The following CDIN1 variants were observed in gnomAD, a reference collection of about 807,000 sequenced individuals.
The protein encoded by CDIN1 is CDAN1-interacting nuclease 1.
CDIN1 carries 33 observed loss-of-function variants against 45.3 expected under a neutral mutation model. The observed-to-expected ratio is 0.73, with a 90% CI of 0.55 to 0.97. The LOEUF is 0.97. Among genes scored for constraint, CDIN1 ranks in the 50% least tolerant of loss-of-function variants. The probability of loss-of-function intolerance (pLI) is 0.00; values close to 1 mark genes in which losing one functional copy is unlikely to be tolerated. For missense variants in CDIN1, 303 were observed against 339.4 expected, an observed-to-expected ratio of 0.89 and a Z score of 0.84; for synonymous variants, 118 against 124.4, an observed-to-expected ratio of 0.95 and a Z score of 0.34.
chr15:36,711,346 C>G (rs1595505114), intron 10 of CDIN1, among the ~76,000 whole-genome samples: 3 of 152,238 alleles, frequency 2.0e-5, no homozygotes, highest in South Asian at 2.1e-4. Flanking sequence ...GGAAAAATTA[C>G]AAACCAAATC....
chr15:36,766,321 G>T (rs907061566), intron 10 of CDIN1, among the ~76,000 whole-genome samples: 2 of 152,036 alleles, frequency 1.3e-5, no homozygotes, highest in Non-Finnish European at 2.9e-5. Context: ...AGACCTTTAG[G>T]TTGTTTCCAT....
intron 9 of CDIN1, 92 bp from the exon 10 acceptor site, chr15:36,709,764 A>G (rs2042989915): frequency 3.3e-6 from 3 of 912,770 alleles, no homozygotes; most frequent in Non-Finnish European, 5.4e-6. Context: ...GCCTGTGCTC[A>G]TTAATGTGAA....
At chr15:36,788,106 A>ATTTTTT (rs1172040193) in intron 10 of CDIN1, among the ~76,000 whole-genome samples, 3 of 50,528 alleles carry the variant, frequency 5.9e-5, no homozygotes, top group African/African-American at 2.3e-4. Flanking sequence ...ATATATATAT[A>ATTTTTT]TTTTTTTTTT....
intron 10 of CDIN1, among the ~76,000 whole-genome samples, chr15:36,757,514 A>G (rs534233665): frequency 6.6e-6 from 1 of 152,274 alleles, no homozygotes; most frequent in South Asian, 2.1e-4. Flanking sequence ...TCAAAATATA[A>G]ATGGGAAATT....
rs200738602 is a variant in CDIN1 at position 36,743,969 on chromosome 15, AT to A, written c.716+34014del. 4.4e-3 allele frequency among the ~76,000 whole-genome samples: 543 copies of A among 122,626 alleles called. 3 individuals carry two copies. The highest frequency in any genetic ancestry group is 0.016 in the African/African-American group (508 of 30,932). The allele number at this position is 122,626 out of a possible 152,430, so 80.4% of individuals were successfully genotyped here. On this transcript the variant is annotated intron_variant, in intron 10 of 10. Coordinates refer to ENST00000566621, the MANE Select transcript of CDIN1 (RefSeq NM_001321759.2). ...ACATTTTATTCTTCATTCTAAAGAC[AT>A]TTTTTGTCTTTTTTTTTTTTTTTCT...
At chr15:36,662,854 GTTTT>G (rs34007525) in intron 5 of CDIN1, among the ~76,000 whole-genome samples, 1 of 122,944 alleles carries the variant, frequency 8.1e-6, no homozygotes, top group African/African-American at 3.1e-5. Context: ...TCAGATTTTA[GTTTT>G]TTTTTTTTTT....
At chr15:36,708,770 T>A (rs1378034552) in intron 8 of CDIN1, 1 of 152,446 alleles carries the variant, frequency 6.6e-6, no homozygotes, top group Non-Finnish European at 1.5e-5. Flanking sequence ...GTTTCACTAA[T>A]TGAAACTAAA....
intron 10 of CDIN1, among the ~76,000 whole-genome samples, chr15:36,730,002 A>G (rs1449441560): frequency 6.6e-6 from 1 of 152,090 alleles, no homozygotes; most frequent in African/African-American, 2.4e-5. Flanking sequence ...TGTCAATTAT[A>G]TTTTCTAAAT....
intron 5 of CDIN1, among the ~76,000 whole-genome samples, chr15:36,662,799 C>T (rs1335022834): frequency 7.5e-5 from 11 of 145,740 alleles, no homozygotes; most frequent in Admixed American, 4.8e-4. Context: ...GTACGTAACA[C>T]AAATCGAGTA....
At chr15:36,640,320 A>G (rs902722725) in intron 1 of CDIN1, among the ~76,000 whole-genome samples, 1 of 152,118 alleles carries the variant, frequency 6.6e-6, no homozygotes, top group Non-Finnish European at 1.5e-5. Flanking sequence ...CAGCACTCTG[A>G]ATCATTAACT....
At chr15:36,619,109 C>A in intron 1 of CDIN1, 2 of 1,065,290 alleles carry the variant, frequency 1.9e-6, no homozygotes, top group South Asian at 1.5e-5. Context: ...GAAGCAAGGG[C>A]TAGTAAGGAT....
chr15:36,739,510 A>G (rs1180364509), intron 10 of CDIN1, among the ~76,000 whole-genome samples: 2 of 152,228 alleles, frequency 1.3e-5, no homozygotes, highest in Non-Finnish European at 2.9e-5. Context: ...GCCCACTGCA[A>G]TTTCTGAGAG....
At chr15:36,792,678 G>A (rs973375910) in intron 10 of CDIN1, among the ~76,000 whole-genome samples, 2 of 152,176 alleles carry the variant, frequency 1.3e-5, no homozygotes, top group Non-Finnish European at 1.5e-5. Context: ...GTGAGCTGCA[G>A]TAGATACTTT....
At chr15:36,621,396 A>G (rs1200461534) in intron 1 of CDIN1, among the ~76,000 whole-genome samples, 1 of 152,086 alleles carries the variant, frequency 6.6e-6, no homozygotes, top group Non-Finnish European at 1.5e-5. Context: ...CAGAATTACT[A>G]TTTCTTTGAC....
intron 10 of CDIN1, among the ~76,000 whole-genome samples, chr15:36,794,160 T>G (rs1011605718): frequency 1.3e-4 from 19 of 150,236 alleles, no homozygotes; most frequent in Non-Finnish European, 3.0e-5. Flanking sequence ...CCGGGTTCAC[T>G]CCATTCTCCT....
intron 10 of CDIN1, among the ~76,000 whole-genome samples, chr15:36,726,202 T>G (rs2043618862): frequency 6.6e-6 from 1 of 152,200 alleles, no homozygotes. Context: ...CAGTAACCCC[T>G]AGACATCATA....
intron 1 of CDIN1, among the ~76,000 whole-genome samples, chr15:36,625,605 C>T (rs755240083): frequency 2.7e-4 from 41 of 152,176 alleles, no homozygotes; most frequent in Admixed American, 3.9e-4. Flanking sequence ...ACATATGTAG[C>T]TAACCTGATG....
chr15:36,793,299 C>T (rs570853017), intron 10 of CDIN1, among the ~76,000 whole-genome samples: 3 of 152,244 alleles, frequency 2.0e-5, no homozygotes, highest in South Asian at 4.1e-4. Context: ...GCCTCCTTTT[C>T]AGGGAAGCAG....
intron 10 of CDIN1, among the ~76,000 whole-genome samples, chr15:36,738,637 CACTGTCCTGAGG>C (rs1050533893): frequency 3.9e-5 from 6 of 152,162 alleles, no homozygotes; most frequent in African/African-American, 1.4e-4. Flanking sequence ...TTACATGAAG[CACTGTCCTGAGG>C]TACATACGTA....
Sources: allele counts gnomAD v4.1 joint callset (sites outside exome capture counted in the v4.1 genomes callset), GRCh38; gene constraint gnomAD v4.1.1; transcripts MANE v1.5; gene names NCBI Gene and HGNC (gene_info 2026-07-23, HGNC 2026-07-21).